Variants in ARHGEF10 observed in about 807,000 individuals in gnomAD.
ARHGEF10 encodes Rho guanine nucleotide exchange factor 10, also known as Rho guanine nucleotide exchange factor (GEF) 10.
In ARHGEF10, 140 loss-of-function variants were observed where a neutral mutation model predicts 147.4. The observed-to-expected ratio is 0.95, with a 90% confidence interval of 0.83 to 1.09. The LOEUF (loss-of-function observed/expected upper bound fraction) is 1.09, where lower values mean the gene tolerates loss of function less well. Ranked by LOEUF, ARHGEF10 falls within the 50% of genes least tolerant of loss-of-function variation. The pLI is 0.00. For missense variants in ARHGEF10, 2,222 were observed against 1,752.7 expected, an observed-to-expected ratio of 1.27 and a Z score of -4.78; for synonymous variants, 902 against 695.8, an observed-to-expected ratio of 1.30 and a Z score of -4.67.
rs773279204 is a variant in ARHGEF10, at chr8:1,869,202, G to A, written c.631G>A (p.Glu211Lys). The stretch of plus-strand genomic sequence containing the variant: ...CTCCCCGTTTATTGCAGATCCAGAG[G>A]AAGCAATTTACGATGACGTTCCAAG... ...ANTAWMENPE[E>K]AIYDDVPREN... The change falls in exon 7 of 29, where the codon GAA becomes AAA. Residue 211 changes from glutamate (E) to lysine (K), a missense_variant. Glu to Lys is a moderately conservative substitution (Grantham distance 56). Transcript: ENST00000349830. 23 of 1,613,792 alleles carry A rather than the reference G, an allele frequency of 1.4e-5. No individual in the cohort carries two copies. The highest frequency in any genetic ancestry group is 1.9e-5 in the Non-Finnish European group (23 of 1,179,660).
chr8:1,941,411 G>C (rs1486434714), intron 26 of ARHGEF10, among the ~76,000 whole-genome samples: 1 of 152,076 alleles, frequency 6.6e-6, no homozygotes, highest in African/African-American at 2.4e-5. Flanking sequence ...AAAAGTGCAA[G>C]ATTTATACTC....
chr8:1,950,728 AG>A (rs1391960694), intron 27 of ARHGEF10, among the ~76,000 whole-genome samples: 10 of 81,134 alleles, frequency 1.2e-4, no homozygotes, highest in Admixed American at 1.7e-4. Context: ...TTTGTTTTTT[AG>A]GTTTTTTTTT....
intron 8 of ARHGEF10, among the ~76,000 whole-genome samples, chr8:1,877,452 C>T (rs868006637): frequency 2.0e-5 from 3 of 152,178 alleles, no homozygotes; most frequent in Non-Finnish European, 4.4e-5. Context: ...AGTCTCGAAT[C>T]CCTGACCTCA....
chr8:1,849,600 C>CA (rs1563172687), intron 2 of ARHGEF10, among the ~76,000 whole-genome samples: 2 of 112,024 alleles, frequency 1.8e-5, no homozygotes, highest in Non-Finnish European at 3.6e-5. Flanking sequence ...TGGACACAGA[C>CA]GGCAAATGCT....
intron 7 of ARHGEF10, among the ~76,000 whole-genome samples, chr8:1,872,865 T>C (rs897218133): frequency 4.6e-5 from 7 of 152,314 alleles, no homozygotes; most frequent in Admixed American, 2.6e-4. Flanking sequence ...ATAGGGTGAT[T>C]TCATCCTGTT....
At chr8:1,915,902 T>A (rs1317314633) in intron 18 of ARHGEF10, among the ~76,000 whole-genome samples, 1 of 152,248 alleles carries the variant, frequency 6.6e-6, no homozygotes, top group South Asian at 2.1e-4. Flanking sequence ...TAGACGCCGA[T>A]GCATCCCTGG....
intron 10 of ARHGEF10, among the ~76,000 whole-genome samples, chr8:1,885,045 G>A (rs895456596): frequency 6.6e-6 from 1 of 152,184 alleles, no homozygotes; most frequent in African/African-American, 2.4e-5. Context: ...GATTAGGGGA[G>A]TGAGCCACCC....
At chr8:1,896,125 T>G (rs961683137) in intron 13 of ARHGEF10, among the ~76,000 whole-genome samples, 1 of 151,962 alleles carries the variant, frequency 6.6e-6, no homozygotes. Flanking sequence ...TGCTCTGGAG[T>G]CAAAAAATAA....
chr8:1,835,146 C>T (rs887088336), intron 1 of ARHGEF10, among the ~76,000 whole-genome samples: 1 of 152,232 alleles, frequency 6.6e-6, no homozygotes, highest in Non-Finnish European at 1.5e-5. Context: ...GGTGGTTCAG[C>T]CTGCCGCCCC....
intron 26 of ARHGEF10, among the ~76,000 whole-genome samples, chr8:1,945,224 G>A (rs1047424892): frequency 2.6e-5 from 4 of 152,208 alleles, no homozygotes; most frequent in Admixed American, 2.6e-4. Flanking sequence ...AAGCTCAGTG[G>A]CCCCTCGGCA....
At chr8:1,907,598 C>T (rs2280887) in intron 17 of ARHGEF10, among the ~76,000 whole-genome samples, 2 of 152,040 alleles carry the variant, frequency 1.3e-5, no homozygotes, top group South Asian at 2.1e-4. Context: ...GTTTTAAGTA[C>T]GTTTAAAATT....
In ARHGEF10 at chr8:1,875,382, G is replaced by A. The variant is rs185757072; in HGVS notation, c.680-1189G>A. On this transcript the variant is annotated intron_variant, in intron 7 of 28. Coordinates refer to ENST00000349830, the MANE Select transcript of ARHGEF10 (RefSeq NM_014629.4). ...CTGTAGACCCTCCGCTCTTGGGCAC[G>A]TGGGTAGGCTCTCAGGATGACTCTT... 4.1e-3 allele frequency among the ~76,000 whole-genome samples: 623 copies of A among 152,240 alleles called. 2 individuals carry two copies. Among genetic ancestry groups the A allele is most frequent in the Non-Finnish European group, 6.7e-3 (455 of 67,996 alleles).
chr8:1,948,063 G>C lies in ARHGEF10; in HGVS notation c.3397+2408G>C, dbSNP rs1407575259. ...GAAGTTGTCTGTGGCTGGGCGCTGA[G>C]CCTTCCTTGGGACTTTTCACCCTTC... On this transcript the variant is annotated intron_variant, in intron 27 of 28. Coordinates refer to ENST00000349830, the MANE Select transcript of ARHGEF10 (RefSeq NM_014629.4). The surrounding 1 kb of genome is among the most constrained non-coding windows in gnomAD (Gnocchi z 4.9). Among the ~76,000 whole-genome samples the C allele has an allele frequency of 6.6e-6, 1 of 152,038 alleles. No individual in the cohort carries two copies. Among genetic ancestry groups the C allele is most frequent in the Non-Finnish European group, 1.5e-5 (1 of 68,026 alleles).
At chr8:1,896,655 G>GT (rs1435054902) in intron 14 of ARHGEF10, among the ~76,000 whole-genome samples, 1 of 152,190 alleles carries the variant, frequency 6.6e-6, no homozygotes, top group Non-Finnish European at 1.5e-5. Context: ...TCTTAAAAGT[G>GT]TATCAGCAGA....
At chr8:1,941,438 T>C (rs1275610435) in intron 26 of ARHGEF10, among the ~76,000 whole-genome samples, 1 of 152,192 alleles carries the variant, frequency 6.6e-6, no homozygotes. Flanking sequence ...CTACAAGACA[T>C]CATTCAGAGA....
At chr8:1,889,162 T>C (rs1280527268) in intron 11 of ARHGEF10, among the ~76,000 whole-genome samples, 1 of 65,310 alleles carries the variant, frequency 1.5e-5, no homozygotes, top group Non-Finnish European at 2.8e-5. Flanking sequence ...GAGGAGACGC[T>C]GAGTTGGGGG....
intron 1 of ARHGEF10, among the ~76,000 whole-genome samples, chr8:1,830,565 G>A (rs73672971): frequency 6.6e-6 from 1 of 152,128 alleles, no homozygotes; most frequent in Non-Finnish European, 1.5e-5. Context: ...ATCTGGAAAT[G>A]ACCTATTAAG....
At chr8:1,914,402 G>A (rs969772089) in intron 18 of ARHGEF10, among the ~76,000 whole-genome samples, 2 of 152,236 alleles carry the variant, frequency 1.3e-5, no homozygotes, top group African/African-American at 4.8e-5. Flanking sequence ...TGACGGGTTA[G>A]CCCCGATTTC....
intron 17 of ARHGEF10, among the ~76,000 whole-genome samples, chr8:1,906,448 G>A (rs1810898306): frequency 6.6e-6 from 1 of 152,194 alleles, no homozygotes; most frequent in African/African-American, 2.4e-5. Context: ...AACACGATGT[G>A]TTAGGAGCCT....
Sources: allele counts gnomAD v4.1 joint callset (sites outside exome capture counted in the v4.1 genomes callset), GRCh38; gene constraint gnomAD v4.1.1; non-coding constraint Gnocchi (gnomAD v3.1); transcripts MANE v1.5; gene names NCBI Gene and HGNC (gene_info 2026-07-23, HGNC 2026-07-21).